The following FBN2 variants were observed in gnomAD, a reference collection of about 807,000 sequenced individuals.
FBN2 encodes fibrillin-2.
A neutral mutation model predicts 355.6 loss-of-function variants in FBN2; 105 were observed. The observed-to-expected ratio is 0.30, with a 90% CI of 0.25 to 0.35. The LOEUF is 0.35. FBN2 is among the 10% of genes least tolerant of loss of function. The pLI is 1.00. For missense variants in FBN2, 3,280 were observed against 3,758.7 expected (o/e 0.87, Z 3.33); for synonymous variants, 1,350 against 1,301.2 (o/e 1.04, Z -0.81).
intron 5 of FBN2, among the ~76,000 whole-genome samples, chr5:128,514,427 T>C (rs1030906856): frequency 1.3e-5 from 2 of 152,178 alleles, no homozygotes; most frequent in African/African-American, 2.4e-5. Context: ...TCTTATTGCA[T>C]CCTCATGTGT....
intron 44 of FBN2, 82 bp downstream of exon 44, chr5:128,305,429 A>C: frequency 6.6e-7 from 1 of 1,514,322 alleles, no homozygotes; most frequent in Non-Finnish European, 9.2e-7. Context: ...ATCTTTCCCA[A>C]ATTATTCTTG....
At chr5:128,420,034 G>A (rs1753305998) in intron 7 of FBN2, among the ~76,000 whole-genome samples, 1 of 152,104 alleles carries the variant, frequency 6.6e-6, no homozygotes, top group Non-Finnish European at 1.5e-5. Context: ...TTTGATAATT[G>A]ACAATGATGT....
intron 32 of FBN2, among the ~76,000 whole-genome samples, chr5:128,331,187 T>TGTGCCATGAAGAAAAGTTACAAG (rs1750682761): frequency 6.6e-6 from 1 of 152,176 alleles, no homozygotes; most frequent in East Asian, 1.9e-4. Context: ...TCTTGCTATA[T>TGTGCCATGAAGAAAAGTTACAAG]GTGCCATGAA....
At chr5:128,425,655 G>A (rs1171621017) in intron 7 of FBN2, among the ~76,000 whole-genome samples, 1 of 152,000 alleles carries the variant, frequency 6.6e-6, no homozygotes. Context: ...CATTTATTTT[G>A]TATCTTCTAA....
chr5:128,274,007 ATCATAACATGTCTTACGTT>A (rs1278782260), intron 60 of FBN2, 39 bp from the exon 61 acceptor site: 1 of 1,612,158 alleles, frequency 6.2e-7, no homozygotes, highest in Non-Finnish European at 8.5e-7. Context: ...AAACTTTCCA[ATCATAACATGTCTTACGTT>A]TCATGGGAAG....
chr5:128,344,293 A>G (rs1484829283), intron 25 of FBN2, 92 bp downstream of exon 25: 2 of 1,303,760 alleles, frequency 1.5e-6, no homozygotes, highest in African/African-American at 1.5e-5. Flanking sequence ...CATGTTCTCA[A>G]TGAGAGGATT....
chr5:128,451,697 G>A (rs1026973824), intron 6 of FBN2, among the ~76,000 whole-genome samples: 4 of 152,262 alleles, frequency 2.6e-5, no homozygotes, highest in Admixed American at 2.6e-4. Context: ...ACTGCGCACA[G>A]CCTTAAACCT....
intron 5 of FBN2, among the ~76,000 whole-genome samples, chr5:128,465,126 C>G (rs566804720): frequency 2.9e-4 from 44 of 152,228 alleles, no homozygotes; most frequent in Non-Finnish European, 5.1e-4. Context: ...ACACTAGACA[C>G]TGTAAATGGG....
At chr5:128,373,897 G>C (rs1752012434) in intron 15 of FBN2, among the ~76,000 whole-genome samples, 1 of 152,104 alleles carries the variant, frequency 6.6e-6, no homozygotes, top group African/African-American at 2.4e-5. Flanking sequence ...TTATACTCTT[G>C]CTTCTGCAGC....
intron 7 of FBN2, among the ~76,000 whole-genome samples, chr5:128,419,120 A>G (rs1030773225): frequency 6.6e-6 from 1 of 152,216 alleles, no homozygotes; most frequent in African/African-American, 2.4e-5. Flanking sequence ...ATTTTTGTAC[A>G]TTGATCTTGT....
chr5:128,351,390 T>C (rs1751361533), intron 20 of FBN2, among the ~76,000 whole-genome samples: 1 of 151,918 alleles, frequency 6.6e-6, no homozygotes, highest in South Asian at 2.1e-4. Flanking sequence ...CTACTAAATA[T>C]ACAAAAATTA....
chr5:128,524,289 T>C (rs920318391), intron 4 of FBN2, among the ~76,000 whole-genome samples: 12 of 152,104 alleles, frequency 7.9e-5, no homozygotes, highest in Non-Finnish European at 1.6e-4. Context: ...CAGAGACCCC[T>C]GATGTAAAAT....
chr5:128,442,030 T>A, intron 7 of FBN2: 2 of 199,228 alleles, frequency 1.0e-5, no homozygotes, highest in Non-Finnish European at 2.1e-5. Context: ...TTATTTTCCA[T>A]GGTTTATCTA....
chr5:128,286,616 GAA>G, intron 55 of FBN2, 100 bp downstream of exon 55: 1 of 1,388,304 alleles, frequency 7.2e-7, no homozygotes, highest in Non-Finnish European at 1.0e-6. Context: ...AACACAGCTG[GAA>G]AAAGAGTTGG....
At chr5:128,384,248 A>G (rs934952050) in intron 11 of FBN2, among the ~76,000 whole-genome samples, 4 of 152,124 alleles carry the variant, frequency 2.6e-5, no homozygotes, top group African/African-American at 9.7e-5. Context: ...AGTAATGTAC[A>G]GTGACTAATC....
chr5:128,297,978 T>C (rs1302894200), intron 48 of FBN2, among the ~76,000 whole-genome samples: 1,739 of 151,598 alleles, frequency 0.011, 33 homozygotes, highest in African/African-American at 0.04. Context: ...CTGGTACCGG[T>C]TGTTCCTTTC....
In FBN2 at chr5:128,436,268, G is replaced by A. The variant is rs150167779; in HGVS notation, c.952+10213C>T. On this transcript the variant is annotated intron_variant, in intron 7 of 64. Coordinates refer to ENST00000262464, the MANE Select transcript of FBN2 (RefSeq NM_001999.4). Reference sequence around the variant, plus strand: ...TCTGGAGTTCCTATCACTCTTCCCCGCTGGTCTCACTTTCTTGGATGTGAC... The same window carrying A: ...TCTGGAGTTCCTATCACTCTTCCCCACTGGTCTCACTTTCTTGGATGTGAC... Among the ~76,000 whole-genome samples the A allele has an allele frequency of 5.9e-5, 9 of 152,202 alleles. No homozygotes were observed. The East Asian group carries it at 7.7e-4, about 13-fold the overall frequency.
chr5:128,470,032 G>C (rs928966868), intron 5 of FBN2, among the ~76,000 whole-genome samples: 1 of 152,188 alleles, frequency 6.6e-6, no homozygotes, highest in Admixed American at 6.5e-5. Flanking sequence ...TGGAGTGAGA[G>C]AATATAGTTA....
rs1191887298 is a variant in FBN2, at chr5:128,274,549, T to C, written c.7711+18A>G. On this transcript the variant is annotated intron_variant, in intron 60 of 64. Coordinates refer to ENST00000262464, the MANE Select transcript of FBN2 (RefSeq NM_001999.4). ...TACTAGAAGTTTGTAAAATTTCCCA[T>C]TTGTAACTTTGTCTTACCGATACAA... 7.1e-7 allele frequency: 1 copy of C among 1,404,214 alleles called. No individual in the cohort carries two copies. Among genetic ancestry groups the C allele is most frequent in the Non-Finnish European group, 1.0e-6 (1 of 988,354 alleles). The allele number at this position is 1,404,214 out of a possible 1,614,324, so 87.0% of individuals were successfully genotyped here.
Sources: allele counts gnomAD v4.1 joint callset (sites outside exome capture counted in the v4.1 genomes callset), GRCh38; gene constraint gnomAD v4.1.1; transcripts MANE v1.5; gene names NCBI Gene and HGNC (gene_info 2026-07-23, HGNC 2026-07-21).